The following CNTNAP2 variants were observed in gnomAD, a reference collection of about 807,000 sequenced individuals.
The protein encoded by CNTNAP2 is contactin associated protein 2.
In CNTNAP2, 98 loss-of-function variants were observed where a neutral mutation model predicts 155.2. The observed-to-expected ratio is 0.63, with a 90% CI of 0.54 to 0.75. CNTNAP2 has a LOEUF of 0.75. Among genes scored for constraint, CNTNAP2 ranks in the 30% least tolerant of loss-of-function variants. The pLI is 0.00. For synonymous variants in CNTNAP2, 651 were observed against 631.2 expected (o/e 1.03, Z -0.47); for missense variants, 1,727 against 1,688.1 (o/e 1.02, Z -0.40).
intron 14 of CNTNAP2, among the ~76,000 whole-genome samples, chr7:147,932,625 A>G (rs1441053075): frequency 6.6e-6 from 1 of 152,216 alleles, no homozygotes; most frequent in Non-Finnish European, 1.5e-5. Context: ...AACGTAGGGG[A>G]AAATCTTCAT....
At chr7:147,116,458 C>T (rs943724516) in intron 5 of CNTNAP2, among the ~76,000 whole-genome samples, 1 of 152,174 alleles carries the variant, frequency 6.6e-6, no homozygotes, top group African/African-American at 2.4e-5. Context: ...TGACCTGCCC[C>T]ACCCTTCAGG....
At chr7:146,552,683 A>T (rs1327099397) in intron 1 of CNTNAP2, among the ~76,000 whole-genome samples, 1 of 152,016 alleles carries the variant, frequency 6.6e-6, no homozygotes, top group African/African-American at 2.4e-5. Context: ...ATTGTAATGT[A>T]TGAGACCCCT....
intron 12 of CNTNAP2, among the ~76,000 whole-genome samples, chr7:147,580,626 T>A (rs905479925): frequency 6.6e-6 from 1 of 152,106 alleles, no homozygotes; most frequent in East Asian, 1.9e-4. Context: ...ATCATTTTTT[T>A]TTTTTTTGAG....
intron 6 of CNTNAP2, among the ~76,000 whole-genome samples, chr7:147,125,383 C>G (rs916536284): frequency 6.6e-5 from 10 of 152,274 alleles, no homozygotes; most frequent in Middle Eastern, 3.4e-3. Context: ...GCTGCCTACA[C>G]TGCAAAGTGG....
intron 15 of CNTNAP2, among the ~76,000 whole-genome samples, chr7:148,113,032 A>T (rs893046304): frequency 6.6e-6 from 1 of 152,216 alleles, no homozygotes; most frequent in Non-Finnish European, 1.5e-5. Context: ...AACAAAAATT[A>T]GGTTGAAAAT....
chr7:147,681,525 A>G (rs144692458), intron 13 of CNTNAP2, among the ~76,000 whole-genome samples: 2,488 of 151,970 alleles, frequency 0.016, 222 homozygotes, highest in Admixed American at 0.15. Context: ...GAACTCTCTA[A>G]AGCAATGAGC....
chr7:148,099,860 T>G (rs1804058519), intron 15 of CNTNAP2, among the ~76,000 whole-genome samples: 1 of 143,196 alleles, frequency 7.0e-6, no homozygotes, highest in South Asian at 2.2e-4. Context: ...CCTCCTTTTT[T>G]TTTTTTGGTT....
At chr7:146,676,665 T>G (rs1306391097) in intron 1 of CNTNAP2, among the ~76,000 whole-genome samples, 1 of 152,224 alleles carries the variant, frequency 6.6e-6, no homozygotes, top group African/African-American at 2.4e-5. Flanking sequence ...GACTCTCAGT[T>G]CTACATGGCT....
intron 1 of CNTNAP2, among the ~76,000 whole-genome samples, chr7:146,626,609 A>G (rs1799423570): frequency 6.6e-6 from 1 of 152,174 alleles, no homozygotes; most frequent in Non-Finnish European, 1.5e-5. Context: ...TTGATAATGG[A>G]AACTCAATGT....
chr7:146,273,026 A>G (rs1317010956), intron 1 of CNTNAP2, among the ~76,000 whole-genome samples: 1 of 150,942 alleles, frequency 6.6e-6, no homozygotes, highest in African/African-American at 2.4e-5. Context: ...GCTGGGAGGG[A>G]GTGAGGTACA....
At chr7:147,989,644 C>A (rs2053799118) in intron 15 of CNTNAP2, among the ~76,000 whole-genome samples, 1 of 152,172 alleles carries the variant, frequency 6.6e-6, no homozygotes, top group Non-Finnish European at 1.5e-5. Context: ...TAGCATCCAG[C>A]CATTTAGCTT....
At chr7:146,285,984 G>C (rs1208437684) in intron 1 of CNTNAP2, among the ~76,000 whole-genome samples, 2 of 72,778 alleles carry the variant, frequency 2.7e-5, no homozygotes, top group African/African-American at 6.4e-5. Flanking sequence ...TTCTCTGTGT[G>C]TGTGTGTGTG....
At chr7:146,982,137 C>T (rs1001151603) in intron 3 of CNTNAP2, among the ~76,000 whole-genome samples, 7 of 152,054 alleles carry the variant, frequency 4.6e-5, no homozygotes, top group Non-Finnish European at 8.8e-5. Context: ...AGGTGGTGGG[C>T]TGGTTTGGCC....
chr7:147,592,425 A>G (rs1267155073), intron 12 of CNTNAP2, among the ~76,000 whole-genome samples: 1 of 151,752 alleles, frequency 6.6e-6, no homozygotes, highest in Non-Finnish European at 1.5e-5. Flanking sequence ...GCAAATTAAT[A>G]CACCAATAAT....
chr7:147,481,389 A>G (rs1252164241), intron 10 of CNTNAP2, among the ~76,000 whole-genome samples: 7 of 152,206 alleles, frequency 4.6e-5, no homozygotes, highest in Non-Finnish European at 1.0e-4. Flanking sequence ...CAAAATTCCC[A>G]ATGCTTTGCA....
At chr7:147,588,538 A>G (rs1009305899) in intron 12 of CNTNAP2, among the ~76,000 whole-genome samples, 19 of 152,282 alleles carry the variant, frequency 1.2e-4, no homozygotes, top group Admixed American at 3.3e-4. Flanking sequence ...ATATTTCCCT[A>G]GGTTTTAATT....
At chr7:147,991,696 C>T in intron 15 of CNTNAP2, among the ~76,000 whole-genome samples, 1 of 152,072 alleles carries the variant, frequency 6.6e-6, no homozygotes. Flanking sequence ...TAGATTAACC[C>T]CCTTGGCCCT....
chr7:146,655,413 CAAAAAAAA>C (rs66710703), intron 1 of CNTNAP2, among the ~76,000 whole-genome samples: 6 of 74,282 alleles, frequency 8.1e-5, no homozygotes, highest in Middle Eastern at 0.01. Context: ...GACTCTGTCT[CAAAAAAAA>C]AAAAAAAAAA....
At chr7:148,320,109 G>T (rs944390038) in intron 21 of CNTNAP2, among the ~76,000 whole-genome samples, 1 of 152,120 alleles carries the variant, frequency 6.6e-6, no homozygotes, top group Non-Finnish European at 1.5e-5. Flanking sequence ...CTGCCCCAAA[G>T]CTTTCTAGGC....
Sources: allele counts gnomAD v4.1 joint callset (sites outside exome capture counted in the v4.1 genomes callset), GRCh38; gene constraint gnomAD v4.1.1; transcripts MANE v1.5; gene names NCBI Gene and HGNC (gene_info 2026-07-23, HGNC 2026-07-21).